CELSR1: variants seen among roughly 807,000 people sequenced by gnomAD.
CELSR1 encodes the protein cadherin EGF LAG seven-pass G-type receptor 1, also known as adhesion G protein-coupled receptor C1.
Under a neutral mutation model 249.1 loss-of-function variants are expected in CELSR1, and 110 were observed. That is an observed-to-expected ratio of 0.44 (90% CI 0.38 to 0.52). CELSR1 has a LOEUF of 0.52. Among genes scored for constraint, CELSR1 ranks in the 20% least tolerant of loss-of-function variants. The pLI, the probability that CELSR1 is intolerant of heterozygous loss-of-function variation, is 0.00. For synonymous variants in CELSR1, 2,113 were observed against 1,900.0 expected, an observed-to-expected ratio of 1.11 and a Z score of -2.92; for missense variants, 4,109 against 4,296.4, an observed-to-expected ratio of 0.96 and a Z score of 1.22.
chr22:46,518,121 T>A lies in CELSR1; in HGVS notation c.3544+15506A>T, dbSNP rs188212253. Among the ~76,000 whole-genome samples the A allele has an allele frequency of 3.3e-5, 5 of 152,272 alleles. No homozygotes were observed. Among genetic ancestry groups the A allele is most frequent in the Admixed American group, 6.5e-5 (1 of 15,294 alleles). On this transcript the variant is annotated intron_variant, in intron 1 of 34. Coordinates refer to ENST00000674500, the MANE Select transcript of CELSR1 (RefSeq NM_001378328.1). The surrounding 1 kb of genome is among the most constrained non-coding windows in gnomAD (Gnocchi z 5.2). ...GGTTTCTCCATGTTGGTCAGGCTGG[T>A]CTCGAACTCGTGACCTCAGGTGATG...
At position 46,437,479 on chromosome 22, in the gene CELSR1, T is replaced by G. The variant is rs929698847; in HGVS notation, c.4407-1190A>C. ...TGGAGTTAAAATTGATGGTTTCGGC[T>G]GGCCGGTGGCTCACGCCTGTAATCC... On this transcript the variant is annotated intron_variant, in intron 3 of 34. Coordinates refer to ENST00000674500, the MANE Select transcript of CELSR1 (RefSeq NM_001378328.1). This position sits in a 1 kb window ranked among gnomAD's most constrained non-coding sequence, Gnocchi z 4.9. Among the ~76,000 whole-genome samples the G allele has an allele frequency of 6.6e-5, 10 of 152,270 alleles. No homozygotes were observed. Among genetic ancestry groups the G allele is most frequent in the Non-Finnish European group, 1.2e-4 (8 of 68,010 alleles).
intron 1 of CELSR1, among the ~76,000 whole-genome samples, chr22:46,520,852 C>A (rs1360949988): frequency 6.6e-6 from 1 of 152,124 alleles, no homozygotes; most frequent in African/African-American, 2.4e-5. Flanking sequence ...TTCATCTTCC[C>A]AAAGTGAAAC....
In CELSR1 at chr22:46,391,793, G is replaced by A. The variant is rs749525562; in HGVS notation, c.5988C>T (p.Ala1996=). 14 of 1,611,246 alleles carry A rather than the reference G, an allele frequency of 8.7e-6. No individual in the cohort carries two copies. Among genetic ancestry groups the A allele is most frequent in the Non-Finnish European group, 1.2e-5 (14 of 1,179,426 alleles). Reference sequence around the variant, plus strand: ...AGTCGCAGGGCAGACAGGTGTCCTGGGCTAGGAGCTTGTAGTAATTCTCCT... The same window carrying A: ...AGTCGCAGGGCAGACAGGTGTCCTGAGCTAGGAGCTTGTAGTAATTCTCCT... ...QCKENYYKLL[A]QDTCLPCDCF... is the part of the protein sequence containing the mutation. The change falls in exon 15 of 35, where the codon GCC becomes GCT. Residue 1996 remains alanine (A), a synonymous_variant. Transcript: ENST00000674500. The surrounding 1 kb of genome is among the most constrained non-coding windows in gnomAD (Gnocchi z 4.3).
chr22:46,440,449 T>C lies in CELSR1; in HGVS notation c.4184-1038A>G, dbSNP rs2079731966. Among the ~76,000 whole-genome samples, 1 of 152,234 alleles carries C rather than the reference T, an allele frequency of 6.6e-6. No homozygotes were observed. The highest frequency in any genetic ancestry group is 2.1e-4 in the South Asian group (1 of 4,834). On this transcript the variant is annotated intron_variant, in intron 2 of 34. Transcript: ENST00000674500. The surrounding 1 kb of genome is among the most constrained non-coding windows in gnomAD (Gnocchi z 4.7). Reference sequence around the variant, plus strand: ...CTCCTAACCTCGTGATCCGCCTGCCTTGGCCTCCCAAAGTGCTGGGATTAC... The same window carrying C: ...CTCCTAACCTCGTGATCCGCCTGCCCTGGCCTCCCAAAGTGCTGGGATTAC...
chr22:46,480,170 G>A (rs1421926742), intron 1 of CELSR1, among the ~76,000 whole-genome samples: 7 of 152,128 alleles, frequency 4.6e-5, no homozygotes, highest in South Asian at 2.1e-4. Flanking sequence ...TTGTCCTGTC[G>A]TTTTGCTACA....
chr22:46,529,455 G>C (rs1180370519), intron 1 of CELSR1, among the ~76,000 whole-genome samples: 1 of 152,022 alleles, frequency 6.6e-6, no homozygotes, highest in East Asian at 1.9e-4. Context: ...CAGAAGCTGG[G>C]AAGGGGGTAG....
rs937465156 is a variant in CELSR1, at chr22:46,430,357, G to A, written c.4611+3036C>T. Among the ~76,000 whole-genome samples, 7 of 152,172 alleles carry A rather than the reference G, an allele frequency of 4.6e-5. No homozygotes were observed. Among genetic ancestry groups the A allele is most frequent in the Admixed American group, 6.5e-5 (1 of 15,282 alleles). On this transcript the variant is annotated intron_variant, in intron 5 of 34. Transcript: ENST00000674500. This position sits in a 1 kb window ranked among gnomAD's most constrained non-coding sequence, Gnocchi z 4.6. ...GTGGTGTGGCAGGTAAATGGAGCGT[G>A]CTGGGGCAAGGACACAGCTGGGCGG... is the stretch of plus-strand genomic sequence containing the variant.
Position 46,410,551 on chromosome 22 carries a change from G to T in CELSR1, c.4780C>A (p.Leu1594Met). ...TQTGSKKSLD[L>M]TGPLLLGGVP... ...CCCCCCAGGAGTAGAGGGCCGGTCA[G>T]ATCCAGGGACCTGGGTAGGTAAAGC... is the stretch of plus-strand genomic sequence containing the variant. Residue 1594 changes from leucine (L) to methionine (M), a missense_variant, in exon 7 of 35, where the codon CTG becomes ATG. This residue lies in a region of CELSR1 where 453 missense variants were observed against 492.0 expected (regional missense o/e 0.92). Transcript: ENST00000674500. The surrounding 1 kb of genome is among the most constrained non-coding windows in gnomAD (Gnocchi z 6.8). 6.2e-7 allele frequency: 1 copy of T among 1,613,720 alleles called. No individual in the cohort carries two copies. The highest frequency in any genetic ancestry group is 1.1e-5 in the South Asian group (1 of 91,082).
Position 46,364,259 on chromosome 22 carries a change from G to A in CELSR1, c.8780-8C>T, listed in dbSNP as rs767984557. 1.2e-6 allele frequency: 2 copies of A among 1,606,090 alleles called. No individual in the cohort carries two copies. The highest frequency in any genetic ancestry group is 2.2e-5 in the East Asian group (1 of 44,864). ...CTTTATTTTTCAAGATGCCTGGGAGGAGGAGACACGGCAAGGTCAAGTCCG... is the reference window on the plus strand; with the variant it reads ...CTTTATTTTTCAAGATGCCTGGGAGAAGGAGACACGGCAAGGTCAAGTCCG... On this transcript the variant is annotated splice_polypyrimidine_tract_variant and splice_region_variant and intron_variant, in intron 33 of 34. Coordinates refer to ENST00000674500, the MANE Select transcript of CELSR1 (RefSeq NM_001378328.1).
rs1030123217 is a variant in CELSR1, at chr22:46,444,962, T to C, written c.4184-5551A>G. On this transcript the variant is annotated intron_variant, in intron 2 of 34. Transcript: ENST00000674500. ...GGCTCGTGCCTGTAATCCCAGCACT[T>C]TGGGAGGCTGAGGTGGGTGGATCAC... Among the ~76,000 whole-genome samples, 4 of 152,294 alleles carry C rather than the reference T, an allele frequency of 2.6e-5. No homozygotes were observed. In the East Asian group the frequency reaches 7.7e-4, roughly 29 times the overall value.
intron 1 of CELSR1, among the ~76,000 whole-genome samples, chr22:46,483,550 CT>C (rs2080287541): frequency 6.6e-6 from 1 of 152,146 alleles, no homozygotes. Context: ...CCTCTATGTG[CT>C]TTGGTTTCCT....
At chr22:46,376,695 AT>A (rs2078921891) in intron 24 of CELSR1, among the ~76,000 whole-genome samples, 1 of 151,098 alleles carries the variant, frequency 6.6e-6, no homozygotes, top group African/African-American at 2.4e-5. Flanking sequence ...CAAGAGTTGT[AT>A]TTTCCTGGGG....
intron 1 of CELSR1, among the ~76,000 whole-genome samples, chr22:46,495,692 T>C (rs1569201981): frequency 6.6e-6 from 1 of 152,040 alleles, no homozygotes; most frequent in African/African-American, 2.4e-5. Context: ...GGTGGGCGCC[T>C]ATAGTCCCAG....
At chr22:46,505,261 CA>C (rs3081585) in intron 1 of CELSR1, among the ~76,000 whole-genome samples, 4 of 62,554 alleles carry the variant, frequency 6.4e-5, no homozygotes, top group Non-Finnish European at 1.1e-4. Flanking sequence ...GACTCTGTCT[CA>C]AAAAAAAAAA....
intron 1 of CELSR1, 110 bp downstream of exon 1, chr22:46,533,517 G>A (rs1418385979): frequency 1.6e-5 from 23 of 1,439,570 alleles, no homozygotes; most frequent in Middle Eastern, 2.1e-4. Context: ...AGAGTTGCCC[G>A]GGCCCGGCCC....
Position 46,363,554 on chromosome 22 carries a change from T to G in CELSR1, c.9036-307A>C. The G allele has an allele frequency of 2.8e-6, 1 of 351,974 alleles. No homozygotes were observed. 21.8% of individuals were successfully genotyped at this position (351,974 alleles called of 1,614,324 possible). ...CATTCTGAAGACCTGGCTTCTCCCT[T>G]GTGAGTTTGGAGGGAGGGAGGGGCG... On this transcript the variant is annotated intron_variant, in intron 34 of 34. Coordinates refer to ENST00000674500, the MANE Select transcript of CELSR1 (RefSeq NM_001378328.1). The surrounding 1 kb of genome is among the most constrained non-coding windows in gnomAD (Gnocchi z 4.3).
At chr22:46,485,058 C>G (rs899725282) in intron 1 of CELSR1, among the ~76,000 whole-genome samples, 5 of 152,036 alleles carry the variant, frequency 3.3e-5, no homozygotes, top group African/African-American at 1.2e-4. Context: ...TAGAGGCTCT[C>G]GTGGAAGAAA....
chr22:46,515,216 T>G (rs920384240), intron 1 of CELSR1, among the ~76,000 whole-genome samples: 1 of 152,164 alleles, frequency 6.6e-6, no homozygotes, highest in Non-Finnish European at 1.5e-5. Flanking sequence ...TGGGACCTCA[T>G]GGCCCTGCCC....
chr22:46,515,129 C>T (rs958187965), intron 1 of CELSR1, among the ~76,000 whole-genome samples: 3 of 152,188 alleles, frequency 2.0e-5, no homozygotes, highest in African/African-American at 7.2e-5. Context: ...GAGCCAACCC[C>T]CCCCGGGGAC....
Sources: allele counts gnomAD v4.1 joint callset (sites outside exome capture counted in the v4.1 genomes callset), GRCh38; gene constraint gnomAD v4.1.1; regional missense constraint gnomAD v4.1.1; non-coding constraint Gnocchi (gnomAD v3.1); transcripts MANE v1.5; gene names NCBI Gene and HGNC (gene_info 2026-07-23, HGNC 2026-07-21).